Variants in MEIG1 observed in about 807,000 individuals in gnomAD.
MEIG1 encodes the protein meiosis/spermiogenesis associated 1.
MEIG1 carries 12 observed loss-of-function variants against 11.3 expected under a neutral mutation model. The ratio of observed to expected loss-of-function variants is 1.07; its 90% confidence interval spans 0.68 to 1.73. The LOEUF is 1.73. MEIG1 is among the 40% of genes most tolerant of loss of function. The pLI is 0.00. For missense variants in MEIG1, 119 were observed against 104.9 expected, an observed-to-expected ratio of 1.13 and a Z score of -0.59; for synonymous variants, 41 against 33.2, an observed-to-expected ratio of 1.24 and a Z score of -0.81.
upstream of MEIG1, among the ~76,000 whole-genome samples, chr10:14,958,372 A>G (rs539490702): frequency 6.6e-6 from 1 of 152,324 alleles, no homozygotes; most frequent in South Asian, 2.1e-4. Flanking sequence ...AGAAGTTTAT[A>G]TAATTTAATT....
At chr10:14,969,639 A>ATGGT (rs1372740444) in intron 2 of MEIG1, among the ~76,000 whole-genome samples, 7 of 152,156 alleles carry the variant, frequency 4.6e-5, no homozygotes, top group African/African-American at 1.7e-4. Context: ...GTTAGAGACC[A>ATGGT]GCCTGGCCAA....
chr10:14,966,133 A>G (rs6602774), intron 1 of MEIG1, among the ~76,000 whole-genome samples: 91,143 of 146,062 alleles, frequency 0.62, 28,584 homozygotes, highest in Admixed American at 0.67. Flanking sequence ...GCACAATCTC[A>G]GCTCACTGCA....
At chr10:14,978,052 A>G (rs1255094097) in intron 1 of MEIG1, among the ~76,000 whole-genome samples, 3 of 151,614 alleles carry the variant, frequency 2.0e-5, no homozygotes, top group Admixed American at 2.0e-4. Context: ...TTTTAAAGTC[A>G]CAGGGGTGTA....
downstream of MEIG1, among the ~76,000 whole-genome samples, chr10:14,976,113 T>C (rs1843207356): frequency 6.6e-6 from 1 of 152,140 alleles, no homozygotes; most frequent in Non-Finnish European, 1.5e-5. Context: ...ACGGGAATCG[T>C]AATACCCAGG....
intron 1 of MEIG1, among the ~76,000 whole-genome samples, chr10:14,960,214 T>C (rs1003190768): frequency 2.0e-5 from 3 of 152,162 alleles, no homozygotes; most frequent in African/African-American, 7.2e-5. Flanking sequence ...TCCTGCTGCC[T>C]CTTAAGAACA....
At chr10:14,983,166 C>T (rs1449498588) in intron 1 of MEIG1, among the ~76,000 whole-genome samples, 1 of 152,032 alleles carries the variant, frequency 6.6e-6, no homozygotes, top group East Asian at 1.9e-4. Context: ...TACACCCACC[C>T]GGTGATATTG....
At chr10:14,969,633 G>C (rs1441963844) in intron 2 of MEIG1, among the ~76,000 whole-genome samples, 2 of 152,086 alleles carry the variant, frequency 1.3e-5, no homozygotes, top group African/African-American at 4.8e-5. Flanking sequence ...TCAGGAGTTA[G>C]AGACCAGCCT....
At chr10:14,972,908 C>G, downstream of MEIG1, 1 of 280,498 alleles carries the variant, frequency 3.6e-6, no homozygotes, top group Non-Finnish European at 6.8e-6. Flanking sequence ...CTCTGTCGCC[C>G]AGGCTGGAGT....
At chr10:14,982,320 G>A (rs577488188) in intron 1 of MEIG1, among the ~76,000 whole-genome samples, 137 of 152,106 alleles carry the variant, frequency 9.0e-4, no homozygotes, top group African/African-American at 3.2e-3. Context: ...TGGTCGGTTC[G>A]TGGTACCTGG....
chr10:14,958,539 C>T (rs1486180523), upstream of MEIG1, among the ~76,000 whole-genome samples: 5 of 152,148 alleles, frequency 3.3e-5, no homozygotes, highest in Non-Finnish European at 7.4e-5. Context: ...GAGCTGGCTC[C>T]AGCACACAAT....
Position 14,966,484 on chromosome 10 carries a change from G to A in MEIG1, c.16G>A (p.Val6Ile), listed in dbSNP as rs369283876. MASSDVKPKSVSHAKK... is the reference protein window; with the variant it reads MASSDIKPKSVSHAKK... ...CTCTGTAACCATGGCTAGTTCTGACGTAAAACCAAAATCAGTAAGTCATGC... is the reference window on the plus strand; with the variant it reads ...CTCTGTAACCATGGCTAGTTCTGACATAAAACCAAAATCAGTAAGTCATGC... Residue 6 changes from valine to isoleucine, a missense_variant, in exon 2 of 3, where the codon GTA becomes ATA. By Grantham distance (29) the Val-to-Ile change is conservative. Coordinates refer to ENST00000407572, the MANE Select transcript of MEIG1 (RefSeq NM_001080836.3). 4.4e-6 allele frequency: 7 copies of A among 1,608,486 alleles called. No homozygotes were observed. The highest frequency in any genetic ancestry group is 2.7e-5 in the African/African-American group (2 of 74,736).
In MEIG1 at chr10:14,959,526, A is replaced by T. The variant is rs1454157278; in HGVS notation, c.-61A>T. On this transcript the variant is annotated 5_prime_UTR_variant, in exon 1 of 3. Coordinates refer to ENST00000407572, the MANE Select transcript of MEIG1 (RefSeq NM_001080836.3). ...CCCCCGGCCTCTCCTGCTCGGCGGA[A>T]CGAGGATAACCCAGTAGAGCCGGAC... The T allele has an allele frequency of 6.6e-6, 1 of 152,380 alleles. No individual in the cohort carries two copies. Among genetic ancestry groups the T allele is most frequent in the East Asian group, 1.9e-4 (1 of 5,194 alleles). The allele number at this position is 152,380 out of a possible 1,614,324, so 9.4% of individuals were successfully genotyped here. A position where few individuals can be genotyped will look rare whatever the true frequency, so the allele number is the denominator to read the frequency against.
intron 1 of MEIG1, among the ~76,000 whole-genome samples, chr10:14,961,131 C>A (rs1843007789): frequency 6.6e-6 from 1 of 152,192 alleles, no homozygotes; most frequent in Non-Finnish European, 1.5e-5. Context: ...ATTTAATGCA[C>A]CTAGCCAACT....
At chr10:14,987,895 G>C (rs1564511680) in exon 3 of MEIG1, 1 of 154,400 alleles carries the variant, frequency 6.5e-6, no homozygotes, top group Non-Finnish European at 1.4e-5. Flanking sequence ...GTAAAAGGAC[G>C]ACACGAGAGC....
rs371452909 is a variant in MEIG1, at chr10:14,966,546, A to T, written c.78A>T (p.Arg26Ser). 2 of 1,612,766 alleles carry T rather than the reference A, an allele frequency of 1.2e-6. No homozygotes were observed. Among genetic ancestry groups the T allele is most frequent in the Non-Finnish European group, 1.7e-6 (2 of 1,179,610 alleles). ...CAGAAGAGATAGAAAATCTGTACAG[A>T]TTTCAACAAGCAGGATATCGGGATG... ...KWSEEIENLY[R>S]FQQAGYRDET... Residue 26 changes from arginine (R) to serine (S), a missense_variant, in exon 2 of 3, where the codon AGA becomes AGT. Coordinates refer to ENST00000407572, the MANE Select transcript of MEIG1 (RefSeq NM_001080836.3).
chr10:14,972,386 A>C (rs891058739), intron 2 of MEIG1, 127 bp from the exon 3 acceptor site: 40 of 1,237,554 alleles, frequency 3.2e-5, no homozygotes, highest in Non-Finnish European at 4.2e-5. Context: ...TTAAAAGCTC[A>C]AGCATTCTAA....
chr10:14,977,172 A>T (rs1240494442), downstream of MEIG1, among the ~76,000 whole-genome samples: 3 of 151,896 alleles, frequency 2.0e-5, no homozygotes, highest in African/African-American at 4.8e-5. Context: ...ATTCATAATT[A>T]CCCAGGGGTC....
At chr10:14,963,642 G>T (rs1843041276) in intron 1 of MEIG1, among the ~76,000 whole-genome samples, 1 of 152,082 alleles carries the variant, frequency 6.6e-6, no homozygotes, top group Admixed American at 6.6e-5. Flanking sequence ...TTTGCCAGGT[G>T]TTCCAAATTT....
rs34536061 is a variant in MEIG1, at chr10:14,961,638, ATTTTTT to A, written c.-30+2097_-30+2102del. ...AGGCAGCCGCCACCGCATCCGGCTA[ATTTTTT>A]TTTTTTTTTTTTTTTAGTAGAGACA... On this transcript the variant is annotated intron_variant, in intron 1 of 2. Coordinates refer to ENST00000407572, the MANE Select transcript of MEIG1 (RefSeq NM_001080836.3). Among the ~76,000 whole-genome samples, 7 of 76,616 alleles carry A rather than the reference ATTTTTT, an allele frequency of 9.1e-5. No individual in the cohort carries two copies. In the South Asian group the frequency reaches 1.5e-3, roughly 17 times the overall value. 50.3% of individuals were successfully genotyped at this position (76,616 alleles called of 152,430 possible). A position where few individuals can be genotyped will look rare whatever the true frequency, so the allele number is the denominator to read the frequency against.
Sources: gnomAD v4.1 joint callset for allele counts (sites outside exome capture counted in the v4.1 genomes callset) on GRCh38, gnomAD v4.1.1 for gene constraint, MANE v1.5 for transcripts, NCBI Gene and HGNC (gene_info 2026-07-23, HGNC 2026-07-21) for gene names.